CSMD1: variants seen among roughly 807,000 people sequenced by gnomAD.
CSMD1 encodes the protein CUB and Sushi multiple domains 1, also known as CUB and sushi domain-containing protein 1.
Under a neutral mutation model 417.5 loss-of-function variants are expected in CSMD1, and 213 were observed. The observed-to-expected ratio is 0.51, with a 90% CI of 0.46 to 0.57. The LOEUF is 0.57. Among genes scored for constraint, CSMD1 ranks in the 20% least tolerant of loss-of-function variants. The pLI is 0.00. For missense variants in CSMD1, 6,923 were observed against 4,529.7 expected (o/e 1.53, Z -15.17); for synonymous variants, 2,862 against 1,736.8 (o/e 1.65, Z -16.11).
intron 27 of CSMD1, among the ~76,000 whole-genome samples, chr8:3,224,643 T>G (rs1357026949): frequency 6.6e-6 from 1 of 152,206 alleles, no homozygotes; most frequent in Non-Finnish European, 1.5e-5. Flanking sequence ...AAAGAACCAC[T>G]TTATATGATA....
chr8:4,052,502 G>C (rs1423017720), intron 3 of CSMD1, among the ~76,000 whole-genome samples: 2 of 152,146 alleles, frequency 1.3e-5, no homozygotes, highest in Non-Finnish European at 1.5e-5. Context: ...TGCAGTGGGA[G>C]ATCAGCATCT....
chr8:3,359,155 C>A lies in CSMD1; in HGVS notation c.3301G>T (p.Val1101Leu). The A allele has an allele frequency of 6.2e-7, 1 of 1,614,002 alleles. No homozygotes were observed. Among genetic ancestry groups the A allele is most frequent in the African/African-American group, 1.3e-5 (1 of 75,034 alleles). The stretch of plus-strand genomic sequence containing the variant: ...ATGAAAGCGTGTGACCACCTACCCA[C>A]ACACCTTGGCAGAGGTGCACTCCAC... Reference protein sequence around the residue: ...RVWSAPLPRCVAECGASVKGN... With the variant: ...RVWSAPLPRCLAECGASVKGN... Residue 1101 changes from valine to leucine, a missense_variant, in exon 21 of 70, where the codon GTG becomes TTG. By Grantham distance (32) the Val-to-Leu change is conservative. Transcript: ENST00000635120.
At position 4,920,893 on chromosome 8, in the gene CSMD1, A is replaced by G. The variant is rs369053336; in HGVS notation, c.85+73439T>C. Among the ~76,000 whole-genome samples, 97 of 67,044 alleles carry G rather than the reference A, an allele frequency of 1.4e-3. 7 individuals are homozygous for G. Among genetic ancestry groups the G allele is most frequent in the Non-Finnish European group, 2.9e-3 (78 of 26,520 alleles). 44.0% of individuals were successfully genotyped at this position (67,044 alleles called of 152,430 possible). On this transcript the variant is annotated intron_variant, in intron 1 of 69. Coordinates refer to ENST00000635120, the MANE Select transcript of CSMD1 (RefSeq NM_033225.6). ...AAAGAAAAGAAAAGAAAAGAAAAGAAAAGAAAAGAAAAGAAAAGAAAAGAA... is the reference window on the plus strand; with the variant it reads ...AAAGAAAAGAAAAGAAAAGAAAAGAGAAGAAAAGAAAAGAAAAGAAAAGAA...
At chr8:4,110,862 T>G (rs1801814894) in intron 3 of CSMD1, among the ~76,000 whole-genome samples, 1 of 152,094 alleles carries the variant, frequency 6.6e-6, no homozygotes, top group Admixed American at 6.5e-5. Context: ...CTTTTTTCCT[T>G]GAAGAGTACT....
intron 1 of CSMD1, among the ~76,000 whole-genome samples, chr8:4,783,080 G>A (rs182550688): frequency 1.3e-5 from 2 of 152,204 alleles, no homozygotes; most frequent in African/African-American, 2.4e-5. Flanking sequence ...ATAAATGATT[G>A]TAAAATCAAT....
At chr8:3,452,384 T>C (rs189031334) in intron 12 of CSMD1, among the ~76,000 whole-genome samples, 8 of 152,344 alleles carry the variant, frequency 5.3e-5, no homozygotes, top group East Asian at 1.9e-4. Context: ...AGGGCACTCC[T>C]GTCTTGTGCC....
chr8:3,670,750 G>C (rs1051116375), intron 7 of CSMD1, among the ~76,000 whole-genome samples: 1 of 118,434 alleles, frequency 8.4e-6, no homozygotes, highest in Non-Finnish European at 2.0e-5. Context: ...TATGTATATG[G>C]GATATATATG....
chr8:3,515,708 G>A (rs1797255598), intron 10 of CSMD1, among the ~76,000 whole-genome samples: 1 of 151,970 alleles, frequency 6.6e-6, no homozygotes, highest in Non-Finnish European at 1.5e-5. Flanking sequence ...CCAAAATGAA[G>A]AATGTTATTC....
chr8:3,102,211 T>C (rs896666104), intron 46 of CSMD1, among the ~76,000 whole-genome samples: 1 of 152,198 alleles, frequency 6.6e-6, no homozygotes, highest in African/African-American at 2.4e-5. Context: ...ATCAATCAAA[T>C]AGTAGAAAAG....
chr8:4,189,862 G>C (rs1348909415), intron 3 of CSMD1, among the ~76,000 whole-genome samples: 1 of 151,770 alleles, frequency 6.6e-6, no homozygotes, highest in Non-Finnish European at 1.5e-5. Context: ...TATTTTTTGT[G>C]GTACGTAATA....
chr8:4,452,689 A>G (rs905077556), intron 2 of CSMD1, among the ~76,000 whole-genome samples: 2 of 152,184 alleles, frequency 1.3e-5, no homozygotes, highest in African/African-American at 2.4e-5. Context: ...TAAAGTCTAA[A>G]TCCTGATACT....
At chr8:4,446,810 C>T (rs74476954) in intron 2 of CSMD1, among the ~76,000 whole-genome samples, 2,519 of 139,466 alleles carry the variant, frequency 0.018, 89 homozygotes, top group African/African-American at 0.068. Flanking sequence ...TTTAGTAGAG[C>T]CAAGTTTTCT....
At chr8:4,730,170 T>C (rs73497821) in intron 1 of CSMD1, among the ~76,000 whole-genome samples, 15,573 of 151,656 alleles carry the variant, frequency 0.1, 2,509 homozygotes, top group African/African-American at 0.34. Flanking sequence ...ATGGTCTCAG[T>C]GTGGAAAAAG....
In CSMD1 at chr8:4,000,617, G is replaced by A. The variant is rs377673454; in HGVS notation, c.611-2507C>T. ...AAATATAAATATCTCCTTCATAAAG[G>A]GATGAGGTAAACAGGATCACTAGAG... is the stretch of plus-strand genomic sequence containing the variant. On this transcript the variant is annotated intron_variant, in intron 4 of 69. Coordinates refer to ENST00000635120, the MANE Select transcript of CSMD1 (RefSeq NM_033225.6). Among the ~76,000 whole-genome samples the A allele has an allele frequency of 3.3e-5, 5 of 152,060 alleles. No homozygotes were observed. In the East Asian group the frequency reaches 7.7e-4, roughly 23 times the overall value.
chr8:3,762,917 C>A (rs1226898210), intron 5 of CSMD1, among the ~76,000 whole-genome samples: 1 of 152,094 alleles, frequency 6.6e-6, no homozygotes, highest in African/African-American at 2.4e-5. Flanking sequence ...CAACTTTCAC[C>A]TGCCTACGCC....
chr8:4,426,506 T>C (rs1797564685), intron 2 of CSMD1, among the ~76,000 whole-genome samples: 1 of 147,842 alleles, frequency 6.8e-6, no homozygotes, highest in Non-Finnish European at 1.5e-5. Flanking sequence ...AGTTTTTATA[T>C]ATTTTATAAA....
At chr8:3,370,656 T>C (rs1248015714) in intron 18 of CSMD1, among the ~76,000 whole-genome samples, 2 of 152,192 alleles carry the variant, frequency 1.3e-5, no homozygotes, top group Admixed American at 1.3e-4. Context: ...TCATTCAATC[T>C]GCTGAGGGCT....
intron 20 of CSMD1, among the ~76,000 whole-genome samples, chr8:3,363,198 C>G (rs1458429109): frequency 6.6e-6 from 1 of 152,170 alleles, no homozygotes; most frequent in African/African-American, 2.4e-5. Context: ...AATCAAGTCT[C>G]AGCCTGTCAG....
intron 26 of CSMD1, among the ~76,000 whole-genome samples, chr8:3,277,923 G>A (rs1802427085): frequency 6.6e-6 from 1 of 152,140 alleles, no homozygotes; most frequent in Admixed American, 6.6e-5. Context: ...GTTCAAATTG[G>A]TACACATGAA....
Sources: gnomAD v4.1 joint callset for allele counts (sites outside exome capture counted in the v4.1 genomes callset) on GRCh38, gnomAD v4.1.1 for gene constraint, MANE v1.5 for transcripts, NCBI Gene and HGNC (gene_info 2026-07-23, HGNC 2026-07-21) for gene names.